Variants in BLZF1 observed in about 807,000 individuals in gnomAD.
BLZF1 encodes basic leucine zipper nuclear factor 1.
BLZF1 carries 39 observed loss-of-function variants against 43.8 expected under a neutral mutation model. The ratio of observed to expected loss-of-function variants is 0.89; its 90% CI spans 0.69 to 1.16. The LOEUF (loss-of-function observed/expected upper bound fraction) is 1.16. BLZF1 is among the 50% of genes most tolerant of loss of function. The probability of loss-of-function intolerance (pLI) is 0.00; values close to 1 mark genes in which losing one functional copy is unlikely to be tolerated. For synonymous variants in BLZF1, 136 were observed against 159.4 expected (o/e 0.85, Z 1.11); for missense variants, 449 against 469.8 (o/e 0.96, Z 0.41).
chr1:169,385,997 G>A (rs1171975793), intron 6 of BLZF1, among the ~76,000 whole-genome samples: 2 of 152,200 alleles, frequency 1.3e-5, no homozygotes, highest in East Asian at 1.9e-4. Context: ...AACACATCAT[G>A]TGGTGATGAC....
downstream of BLZF1, among the ~76,000 whole-genome samples, chr1:169,392,967 G>A (rs1654851120): frequency 6.6e-6 from 1 of 152,104 alleles, no homozygotes; most frequent in African/African-American, 2.4e-5. Context: ...AAACAGAAGT[G>A]TTTCTCTGAG....
At chr1:169,378,249 C>A in intron 3 of BLZF1, 81 bp from the exon 4 acceptor site, 1 of 1,354,840 alleles carries the variant, frequency 7.4e-7, no homozygotes, top group Non-Finnish European at 1.0e-6. Context: ...CACAGAAACA[C>A]AGTCTCTTTT....
At chr1:169,386,933 A>T (rs1174190645) in intron 6 of BLZF1, 64 bp from the exon 7 acceptor site, 1 of 1,229,856 alleles carries the variant, frequency 8.1e-7, no homozygotes, top group African/African-American at 1.5e-5. Context: ...GTATACATCA[A>T]TGAAATCTTA....
At chr1:169,379,839 T>A (rs1654471393) in intron 4 of BLZF1, among the ~76,000 whole-genome samples, 2 of 152,096 alleles carry the variant, frequency 1.3e-5, no homozygotes, top group East Asian at 3.9e-4. Context: ...TAGCTGTATA[T>A]GTGCTAATAT....
At chr1:169,395,284 A>T in intron 7 of BLZF1, 1 of 1,257,310 alleles carries the variant, frequency 8.0e-7, no homozygotes, top group Non-Finnish European at 1.1e-6. Flanking sequence ...ACTATTATAG[A>T]CAAAATAAAT....
rs1201662893 is a variant in BLZF1 at position 169,380,497 on chromosome 1, T to A, written c.685T>A (p.Leu229Ile). The change falls in exon 5 of 7, where the codon TTA (leucine) becomes ATA (isoleucine). Residue 229 changes from leucine to isoleucine, a missense_variant. Transcript: ENST00000367808. ...FLASRVMADE[L>I]TNSRAALQRQ... Reference sequence around the variant, plus strand: ...CTTTTTCAGGGTAATGGCAGATGAGTTAACCAACTCAAGAGCAGCTTTACA... The same window carrying A: ...CTTTTTCAGGGTAATGGCAGATGAGATAACCAACTCAAGAGCAGCTTTACA... 6.2e-7 allele frequency: 1 copy of A among 1,611,864 alleles called. No homozygotes were observed. Among genetic ancestry groups the A allele is most frequent in the Non-Finnish European group, 8.5e-7 (1 of 1,178,532 alleles).
rs144964235 is a variant in BLZF1, at chr1:169,380,544, C to G, written c.732C>G (p.His244Gln). 3.7e-6 allele frequency: 6 copies of G among 1,612,760 alleles called. No individual in the cohort carries two copies. Among genetic ancestry groups the G allele is most frequent in the Non-Finnish European group, 5.1e-6 (6 of 1,179,040 alleles). The change falls in exon 5 of 7, where the codon CAC (histidine) becomes CAG (glutamine). Residue 244 changes from histidine (H) to glutamine (Q), a missense_variant. Physicochemically the swap from His to Gln is conservative, Grantham distance 24. Coordinates refer to ENST00000367808, the MANE Select transcript of BLZF1 (RefSeq NM_001320973.2). ...AALQRQNRDA[H>Q]GAIQDLLSER... ...TACAGCGTCAAAACCGTGATGCACA[C>G]GGGGCTATACAAGATCTCCTAAGTG...
chr1:169,387,231 G>A lies in BLZF1; in HGVS notation c.*49G>A. 1.3e-6 allele frequency: 2 copies of A among 1,531,452 alleles called. No individual in the cohort carries two copies. Among genetic ancestry groups the A allele is most frequent in the Non-Finnish European group, 1.8e-6 (2 of 1,129,380 alleles). 94.9% of individuals were successfully genotyped at this position (1,531,452 alleles called of 1,614,324 possible). ...TAAGGTACTTCCTTATTACCCAAGA[G>A]TCATTATTATTTGGGAGCTGGGGTT... On this transcript the variant is annotated 3_prime_UTR_variant, in exon 7 of 7. Transcript: ENST00000367808.
chr1:169,391,231 AAAC>A (rs567945667), downstream of BLZF1, among the ~76,000 whole-genome samples: 340 of 152,326 alleles, frequency 2.2e-3, 3 homozygotes, highest in Middle Eastern at 0.01. Context: ...CTAGATGGGA[AAAC>A]AATAGGCTCC....
chr1:169,375,393 CATAT>C (rs58679820), intron 2 of BLZF1, among the ~76,000 whole-genome samples: 13,673 of 84,930 alleles, frequency 0.16, 1,226 homozygotes, highest in Non-Finnish European at 0.21. Context: ...ATATATAAAA[CATAT>C]ATATATATAT....
Position 169,385,384 on chromosome 1 carries a change from TC to T in BLZF1, c.1018-1608del, listed in dbSNP as rs567854594. ...CTTATGTCTGCTTATGCATACTGCT[TC>T]CCCCATCCCCCACACTGTGTATAGA... is the stretch of plus-strand genomic sequence containing the variant. On this transcript the variant is annotated intron_variant, in intron 6 of 6. Coordinates refer to ENST00000367808, the MANE Select transcript of BLZF1 (RefSeq NM_001320973.2). Among the ~76,000 whole-genome samples, 652 of 152,154 alleles carry T rather than the reference TC, an allele frequency of 4.3e-3. 7 individuals are homozygous for T. The highest frequency in any genetic ancestry group is 0.015 in the African/African-American group (621 of 41,510).
chr1:169,389,336 T>C (rs920182080), downstream of BLZF1, among the ~76,000 whole-genome samples: 3 of 151,800 alleles, frequency 2.0e-5, no homozygotes, highest in Admixed American at 6.6e-5. Context: ...AGGACCTGAA[T>C]AGACATTTCT....
At chr1:169,385,718 G>T (rs1226417342) in intron 6 of BLZF1, among the ~76,000 whole-genome samples, 2 of 152,060 alleles carry the variant, frequency 1.3e-5, no homozygotes, top group Non-Finnish European at 2.9e-5. Flanking sequence ...CAGTCTAGTT[G>T]AAAAATAGAG....
In BLZF1 at chr1:169,376,674, G is replaced by T. The variant is rs1263366563; in HGVS notation, c.163G>T (p.Val55Phe). Reference protein sequence around the residue: ...HSLQSPWKKAVPSESPGVLQL... With the variant: ...HSLQSPWKKAFPSESPGVLQL... ...TCTTCAGAGTCCATGGAAGAAAGCA[G>T]TTCCATCAGAGAGCCCAGGAGTTCT... Residue 55 changes from valine (V) to phenylalanine (F), a missense_variant, in exon 3 of 7, where the codon GTT becomes TTT. Physicochemically the swap from Val to Phe is conservative, Grantham distance 50. Coordinates refer to ENST00000367808, the MANE Select transcript of BLZF1 (RefSeq NM_001320973.2). 1.2e-6 allele frequency: 2 copies of T among 1,613,504 alleles called. No homozygotes were observed. The highest frequency in any genetic ancestry group is 3.3e-4 in the Middle Eastern group (2 of 6,056).
At chr1:169,384,154 A>G (rs1187501111) in intron 6 of BLZF1, among the ~76,000 whole-genome samples, 4 of 151,898 alleles carry the variant, frequency 2.6e-5, no homozygotes, top group African/African-American at 9.7e-5. Context: ...TACCTACTCT[A>G]TAGTGCTGTT....
intron 7 of BLZF1, among the ~76,000 whole-genome samples, chr1:169,394,260 A>T (rs1654895892): frequency 6.6e-6 from 1 of 152,184 alleles, no homozygotes; most frequent in South Asian, 2.1e-4. Flanking sequence ...TTAAGCTCTC[A>T]ATAAAAGTTG....
chr1:169,381,849 T>A (rs916201786), intron 5 of BLZF1, among the ~76,000 whole-genome samples: 1 of 152,208 alleles, frequency 6.6e-6, no homozygotes, highest in African/African-American at 2.4e-5. Flanking sequence ...GTTTGTTAAA[T>A]GATTTTCATA....
At chr1:169,369,625 C>T in intron 2 of BLZF1, 75 bp downstream of exon 2, 3 of 1,153,662 alleles carry the variant, frequency 2.6e-6, no homozygotes, top group Non-Finnish European at 3.8e-6. Flanking sequence ...AGCCAGATAA[C>T]TAGATCTCAT....
chr1:169,391,280 G>A (rs1456460470), downstream of BLZF1, among the ~76,000 whole-genome samples: 10 of 152,254 alleles, frequency 6.6e-5, no homozygotes, highest in East Asian at 1.9e-4. Context: ...CTTTGAGTTC[G>A]TCCGCTCCTG....
Sources: allele counts gnomAD v4.1 joint callset (sites outside exome capture counted in the v4.1 genomes callset), GRCh38; gene constraint gnomAD v4.1.1; transcripts MANE v1.5; gene names NCBI Gene and HGNC (gene_info 2026-07-23, HGNC 2026-07-21).